SRCAP: variants seen among roughly 807,000 people sequenced by gnomAD.
The protein encoded by SRCAP is Snf2 related CREBBP activator protein, also known as chromatin remodeling protein SRCAP.
Under a neutral mutation model 263.1 loss-of-function variants are expected in SRCAP, and 46 were observed. The ratio of observed to expected loss-of-function variants is 0.17; its 90% CI spans 0.14 to 0.22. SRCAP has a LOEUF of 0.22. Ranked by LOEUF, SRCAP falls within the 10% of genes least tolerant of loss-of-function variation. SRCAP has a pLI of 1.00. For synonymous variants in SRCAP, 1,813 were observed against 1,662.1 expected, an observed-to-expected ratio of 1.09 and a Z score of -2.21; for missense variants, 3,695 against 4,181.9, an observed-to-expected ratio of 0.88 and a Z score of 3.21.
At position 30,709,711 on chromosome 16, in the gene SRCAP, C is replaced by T. The variant is rs773727840; in HGVS notation, c.832C>T (p.Pro278Ser). The T allele has an allele frequency of 1.2e-6, 2 of 1,614,182 alleles. No homozygotes were observed. Among genetic ancestry groups the T allele is most frequent in the Middle Eastern group, 1.6e-4 (1 of 6,062 alleles). Residue 278 changes from proline (P) to serine (S), a missense_variant, in exon 7 of 34, where the codon CCT (proline) becomes TCT (serine). Pro to Ser is a moderately conservative substitution (Grantham distance 74). This residue lies in a region of SRCAP where 44 missense variants were observed against 42.9 expected (regional missense o/e 1.03). Coordinates refer to ENST00000262518, the MANE Select transcript of SRCAP (RefSeq NM_006662.3). ...CTCAGCTGCCTCCAGTCCTCCACCC[C>T]CTGCTTCTCGCCTGGATGATGAAGG... ...SSSAASSPPPPASRLDDEDGD... is the reference protein window; with the variant it reads ...SSSAASSPPPSASRLDDEDGD...
rs775892665 is a variant in SRCAP at position 30,707,342 on chromosome 16, C to A, written c.466C>A (p.Arg156Ser). 1 of 1,614,130 alleles carries A rather than the reference C, an allele frequency of 6.2e-7. No homozygotes were observed. Among genetic ancestry groups the A allele is most frequent in the Non-Finnish European group, 8.5e-7 (1 of 1,180,008 alleles). The change falls in exon 5 of 34, where the codon CGT (arginine) becomes AGT (serine). Residue 156 changes from arginine to serine, a missense_variant. By Grantham distance (110) the Arg-to-Ser change is moderately radical. Transcript: ENST00000262518. Reference sequence around the variant, plus strand: ...CTCTGCTGACTTTGCTCAGGAGCGCCGTTGGAAACGGGGTGTGGCCCGGAA... The same window carrying A: ...CTCTGCTGACTTTGCTCAGGAGCGCAGTTGGAAACGGGGTGTGGCCCGGAA... ...WLSADFAQER[R>S]WKRGVARKVV...
At position 30,724,343 on chromosome 16, in the gene SRCAP, C is replaced by T. The variant is rs778694330; in HGVS notation, c.4919C>T (p.Thr1640Ile). The T allele has an allele frequency of 1.4e-5, 23 of 1,614,064 alleles. No homozygotes were observed. The highest frequency in any genetic ancestry group is 2.2e-5 in the East Asian group (1 of 44,890). Residue 1640 changes from threonine to isoleucine, a missense_variant, in exon 25 of 34, where the codon ACC becomes ATC. Thr to Ile is a moderately conservative substitution (Grantham distance 89). Transcript: ENST00000262518. ...ATGGCTCCATCGTCTACTCCAGGAA[C>T]CTCTTTAGCCTCAGCTTCACCGGTA... ...PVMAPSSTPG[T>I]SLASASPVPA... is the part of the protein sequence containing the mutation.
chr16:30,711,392 T>G (rs967939083), intron 10 of SRCAP, among the ~76,000 whole-genome samples, 179 bp from the exon 11 acceptor site: 1 of 152,186 alleles, frequency 6.6e-6, no homozygotes, highest in Non-Finnish European at 1.5e-5. Flanking sequence ...CCCATGGTAC[T>G]TCCCCCAGGT....
Position 30,737,601 on chromosome 16 carries a change from G to A in SRCAP, c.7561G>A (p.Val2521Ile). 3.7e-6 allele frequency: 6 copies of A among 1,613,878 alleles called. No homozygotes were observed. Among genetic ancestry groups the A allele is most frequent in the Non-Finnish European group, 5.1e-6 (6 of 1,179,990 alleles). The change falls in exon 34 of 34, where the codon GTA (valine) becomes ATA (isoleucine). Residue 2521 changes from valine to isoleucine, a missense_variant. Physicochemically the swap from Val to Ile is conservative, Grantham distance 29. This residue lies in a region of SRCAP where 1,207 missense variants were observed against 1,142.9 expected (regional missense o/e 1.06). Transcript: ENST00000262518. ...HTPPPAQTCL[V>I]TPSSPLLLGP... The stretch of plus-strand genomic sequence containing the variant: ...ACCGCCTCCAGCCCAAACCTGTCTT[G>A]TAACTCCTTCCTCTCCTCTCTTGCT...
chr16:30,704,390 A>T (rs140885837), intron 4 of SRCAP, 75 bp downstream of exon 4: 2 of 1,499,916 alleles, frequency 1.3e-6, no homozygotes, highest in African/African-American at 2.8e-5. Context: ...TGAGTATTTT[A>T]TGTTTCTTTT....
chr16:30,706,869 G>A (rs1596643010), intron 4 of SRCAP, among the ~76,000 whole-genome samples: 1 of 152,166 alleles, frequency 6.6e-6, no homozygotes, highest in African/African-American at 2.4e-5. Context: ...TGTGGAGATT[G>A]TGTTAAATAA....
intron 18 of SRCAP, among the ~76,000 whole-genome samples, chr16:30,718,348 T>C (rs1469670972): frequency 6.6e-6 from 1 of 152,118 alleles, no homozygotes. Context: ...AGCTAATTTT[T>C]GTATTTTTAG....
Position 30,702,526 on chromosome 16 carries a change from G to C in SRCAP, c.55-1538G>C, listed in dbSNP as rs376885740. Among the ~76,000 whole-genome samples the C allele has an allele frequency of 1.3e-4, 20 of 149,958 alleles. No homozygotes were observed. In the East Asian group the frequency reaches 1.8e-3, roughly 13 times the overall value. ...TAGGATTACAGGTGTGAGCCACCGT[G>C]CCCAGCCCTGTTTTCCACCCTCCTT... On this transcript the variant is annotated intron_variant, in intron 3 of 33. Coordinates refer to ENST00000262518, the MANE Select transcript of SRCAP (RefSeq NM_006662.3).
chr16:30,727,520 G>A (rs1021043931), intron 25 of SRCAP, among the ~76,000 whole-genome samples: 3 of 151,734 alleles, frequency 2.0e-5, no homozygotes, highest in Non-Finnish European at 4.4e-5. Flanking sequence ...CCAAGTAGCT[G>A]GGACTGTAGG....
Position 30,728,947 on chromosome 16 carries a change from CT to C in SRCAP, c.5659-14del. 6.2e-7 allele frequency: 1 copy of C among 1,600,922 alleles called. No individual in the cohort carries two copies. The highest frequency in any genetic ancestry group is 1.3e-5 in the African/African-American group (1 of 74,688). On this transcript the variant is annotated intron_variant, in intron 25 of 33. Coordinates refer to ENST00000262518, the MANE Select transcript of SRCAP (RefSeq NM_006662.3). The stretch of plus-strand genomic sequence containing the variant: ...ACTCTGAGGGTGCTGATTACTTCCT[CT>C]TTTTCTCTCACCCCCAGGACTCCCT...
chr16:30,716,586 C>G, intron 18 of SRCAP, 107 bp downstream of exon 18: 2 of 937,942 alleles, frequency 2.1e-6, no homozygotes, highest in Non-Finnish European at 3.2e-6. Context: ...TCATGACTCC[C>G]CTATCATTCC....
At chr16:30,699,632 CT>C (rs1200692566) in intron 1 of SRCAP, among the ~76,000 whole-genome samples, 1 of 151,730 alleles carries the variant, frequency 6.6e-6, no homozygotes, top group Non-Finnish European at 1.5e-5. Flanking sequence ...GATGTGACAG[CT>C]TTTTTTTGCT....
At chr16:30,704,442 T>C in intron 4 of SRCAP, 127 bp downstream of exon 4, 2 of 1,193,408 alleles carry the variant, frequency 1.7e-6, no homozygotes, top group Middle Eastern at 2.8e-4. Flanking sequence ...TGCCTTAATG[T>C]ATATGATCGT....
rs997553542 is a variant in SRCAP, at chr16:30,728,971, C to G, written c.5664C>G (p.Ser1888=). The stretch of plus-strand genomic sequence containing the variant: ...TCTTTTTCTCTCACCCCCAGGACTC[C>G]CTGGAGGAAAAGCGGAAGCGGCAGC... ...PPPRSPFYLD[S]LEEKRKRQRS... Residue 1888 remains serine, a synonymous_variant, in exon 26 of 34, where the codon TCC becomes TCG. Coordinates refer to ENST00000262518, the MANE Select transcript of SRCAP (RefSeq NM_006662.3). 6.2e-7 allele frequency: 1 copy of G among 1,612,806 alleles called. No individual in the cohort carries two copies. Among genetic ancestry groups the G allele is most frequent in the Non-Finnish European group, 8.5e-7 (1 of 1,179,010 alleles).
At position 30,736,487 on chromosome 16, in the gene SRCAP, G is replaced by GT; in HGVS notation, c.6925-53dup. ...TCCCTGGTGGGAATAAATAAGGGTG[G>GT]TGGGGCCCTGGGTACCAGGTTCCTA... On this transcript the variant is annotated intron_variant, in intron 32 of 33. Coordinates refer to ENST00000262518, the MANE Select transcript of SRCAP (RefSeq NM_006662.3). The GT allele has an allele frequency of 1.9e-6, 3 of 1,612,508 alleles. No homozygotes were observed. The South Asian group carries it at 3.3e-5, about 18-fold the overall frequency.
Position 30,716,297 on chromosome 16 carries a change from A to G in SRCAP, c.2635A>G (p.Lys879Glu). The G allele has an allele frequency of 1.9e-6, 3 of 1,614,136 alleles. No homozygotes were observed. The highest frequency in any genetic ancestry group is 2.5e-6 in the Non-Finnish European group (3 of 1,180,024). The change falls in exon 18 of 34, where the codon AAG becomes GAG. Residue 879 changes from lysine to glutamate, a missense_variant. Around this residue, in one of 12 missense-constraint regions of SRCAP, gnomAD observed 147 missense variants for 212.7 expected, o/e 0.69. Coordinates refer to ENST00000262518, the MANE Select transcript of SRCAP (RefSeq NM_006662.3). ...TTATTTTTCCTCTTTCCCCAGAACT[A>G]AGGAGACACTAGCCACAGGCCATTT... is the stretch of plus-strand genomic sequence containing the variant. ...YDDFMAQTTT[K>E]ETLATGHFMS...
Position 30,733,622 on chromosome 16 carries a change from T to C in SRCAP, c.6318T>C (p.Asn2106=), listed in dbSNP as rs1174633686. ...EQRQALMERF[N]ADKRIFCFIL... is the part of the protein sequence containing the mutation. ...TCTAGGCCTTGATGGAACGGTTCAA[T>C]GCAGACAAACGCATATTCTGCTTCA... The change falls in exon 29 of 34, where the codon AAT becomes AAC. Residue 2106 remains asparagine, a synonymous_variant. Coordinates refer to ENST00000262518, the MANE Select transcript of SRCAP (RefSeq NM_006662.3). This position sits in a 1 kb window ranked among gnomAD's most constrained non-coding sequence, Gnocchi z 5.3. 1.9e-6 allele frequency: 3 copies of C among 1,614,054 alleles called. No homozygotes were observed. The highest frequency in any genetic ancestry group is 1.7e-5 in the Admixed American group (1 of 59,994).
In SRCAP at chr16:30,729,110, C is replaced by T. The variant is rs748486152; in HGVS notation, c.5803C>T (p.Pro1935Ser). 6.2e-7 allele frequency: 1 copy of T among 1,614,180 alleles called. No homozygotes were observed. The highest frequency in any genetic ancestry group is 1.1e-5 in the South Asian group (1 of 91,088). The change falls in exon 26 of 34, where the codon CCC becomes TCC. Residue 1935 changes from proline to serine, a missense_variant. Pro to Ser is a moderately conservative substitution (Grantham distance 74, BLOSUM62 -1). Around this residue, in one of 12 missense-constraint regions of SRCAP, gnomAD observed 1,347 missense variants for 1,304.4 expected, o/e 1.03. Transcript: ENST00000262518. ...FCTLPQPVAS[P>S]IGPRSPGPSH... Reference sequence around the variant, plus strand: ...TACCCTGCCCCAACCTGTTGCCAGCCCCATCGGCCCTCGTTCTCCTGGCCC... The same window carrying T: ...TACCCTGCCCCAACCTGTTGCCAGCTCCATCGGCCCTCGTTCTCCTGGCCC...
chr16:30,727,462 C>CA (rs1346713269), intron 25 of SRCAP, among the ~76,000 whole-genome samples: 1 of 152,136 alleles, frequency 6.6e-6, no homozygotes, highest in East Asian at 1.9e-4. Context: ...GCACAGTCTC[C>CA]GCTCATTGCA....
Sources: gnomAD v4.1 joint callset for allele counts (sites outside exome capture counted in the v4.1 genomes callset) on GRCh38, gnomAD v4.1.1 for gene constraint, gnomAD v4.1.1 regional missense constraint, Gnocchi (gnomAD v3.1) non-coding constraint, MANE v1.5 for transcripts, NCBI Gene and HGNC (gene_info 2026-07-23, HGNC 2026-07-21) for gene names.